The following NUP210 variants were observed in gnomAD, a reference collection of about 807,000 sequenced individuals.
The protein encoded by NUP210 is nuclear pore membrane glycoprotein 210.
Under a neutral mutation model 196.0 loss-of-function variants are expected in NUP210, and 151 were observed. The ratio of observed to expected loss-of-function variants is 0.77; its 90% CI spans 0.67 to 0.88. NUP210 has a LOEUF of 0.88. Ranked by LOEUF, NUP210 falls within the 40% of genes least tolerant of loss-of-function variation. The pLI is 0.00. For synonymous variants in NUP210, 1,070 were observed against 1,052.7 expected, an observed-to-expected ratio of 1.02 and a Z score of -0.32; for missense variants, 2,314 against 2,493.7, an observed-to-expected ratio of 0.93 and a Z score of 1.53.
chr3:13,374,440 A>G (rs1698834839), intron 11 of NUP210, among the ~76,000 whole-genome samples: 1 of 152,078 alleles, frequency 6.6e-6, no homozygotes, highest in Non-Finnish European at 1.5e-5. Flanking sequence ...CCTCACTGAC[A>G]CACAAGGTCG....
At chr3:13,337,631 G>T (rs1697269058) in intron 26 of NUP210, among the ~76,000 whole-genome samples, 1 of 152,242 alleles carries the variant, frequency 6.6e-6, no homozygotes. Flanking sequence ...ATGTGGGAAG[G>T]TGACAGGCCA....
intron 39 of NUP210, 74 bp downstream of exon 39, chr3:13,318,998 C>T: frequency 5.7e-6 from 8 of 1,403,112 alleles, no homozygotes; most frequent in Admixed American, 2.5e-5. Flanking sequence ...GGTTCAGGAG[C>T]CTCGACCCCT....
chr3:13,365,173 C>T (rs575645863), intron 14 of NUP210, among the ~76,000 whole-genome samples: 2 of 152,358 alleles, frequency 1.3e-5, no homozygotes, highest in East Asian at 3.9e-4. Context: ...TTCACACCCA[C>T]CCCAGAGGAA....
chr3:13,358,569 G>C (rs2124889418), intron 15 of NUP210, among the ~76,000 whole-genome samples, 174 bp from the exon 16 acceptor site: 1 of 152,264 alleles, frequency 6.6e-6, no homozygotes, highest in East Asian at 1.9e-4. Flanking sequence ...ACACAGGTGG[G>C]AATGCACTTT....
At chr3:13,345,579 C>T (rs1483129666) in intron 20 of NUP210, among the ~76,000 whole-genome samples, 2 of 152,200 alleles carry the variant, frequency 1.3e-5, no homozygotes, top group Admixed American at 6.5e-5. Flanking sequence ...GAGCTGCACA[C>T]ACCACCCGTG....
At chr3:13,411,181 A>G (rs982443719) in intron 1 of NUP210, among the ~76,000 whole-genome samples, 1 of 151,880 alleles carries the variant, frequency 6.6e-6, no homozygotes, top group Non-Finnish European at 1.5e-5. Flanking sequence ...ATAGTGAGCT[A>G]TAATTGTGCC....
chr3:13,325,946 C>T lies in NUP210; in HGVS notation c.4508-15G>A. 1 of 1,613,198 alleles carries T rather than the reference C, an allele frequency of 6.2e-7. No homozygotes were observed. The highest frequency in any genetic ancestry group is 2.2e-5 in the East Asian group (1 of 44,872). ...TCCTGAGAGGCCTGGAGAGGAAGCA[C>T]AGGTGTCAGCCCCCTTTCCATAGCT... is the stretch of plus-strand genomic sequence containing the variant. On this transcript the variant is annotated splice_polypyrimidine_tract_variant and intron_variant, in intron 32 of 39. Transcript: ENST00000254508.
intron 11 of NUP210, among the ~76,000 whole-genome samples, 195 bp from the exon 12 acceptor site, chr3:13,374,068 C>T (rs1281020272): frequency 6.6e-6 from 1 of 152,116 alleles, no homozygotes. Flanking sequence ...CACTCACACA[C>T]TCACCCTCAC....
chr3:13,393,203 C>G (rs748505591), intron 3 of NUP210, among the ~76,000 whole-genome samples: 31 of 152,118 alleles, frequency 2.0e-4, no homozygotes, highest in Non-Finnish European at 3.5e-4. Flanking sequence ...GAGAAAGCAC[C>G]CCCATGACAT....
At chr3:13,409,290 T>C (rs1382620418) in intron 1 of NUP210, among the ~76,000 whole-genome samples, 2 of 152,178 alleles carry the variant, frequency 1.3e-5, no homozygotes, top group African/African-American at 4.8e-5. Flanking sequence ...TGACATGTGT[T>C]AACAGGTGGG....
At chr3:13,369,806 G>A (rs1559332336) in intron 13 of NUP210, among the ~76,000 whole-genome samples, 1 of 152,208 alleles carries the variant, frequency 6.6e-6, no homozygotes, top group African/African-American at 2.4e-5. Flanking sequence ...AGTTACAGTA[G>A]TGCCCACAGC....
intron 11 of NUP210, among the ~76,000 whole-genome samples, chr3:13,374,518 T>A (rs998698216): frequency 1.3e-5 from 2 of 152,078 alleles, no homozygotes; most frequent in Non-Finnish European, 2.9e-5. Flanking sequence ...GCCCTCACCC[T>A]CTTTGTCCTG....
chr3:13,329,901 C>G (rs1379707155), intron 30 of NUP210, among the ~76,000 whole-genome samples: 3 of 152,218 alleles, frequency 2.0e-5, no homozygotes, highest in African/African-American at 4.8e-5. Context: ...ATCACTCAAC[C>G]CCCATGCAAG....
chr3:13,402,678 G>A (rs1407887304), intron 1 of NUP210, among the ~76,000 whole-genome samples: 2 of 151,482 alleles, frequency 1.3e-5, no homozygotes, highest in Non-Finnish European at 2.9e-5. Flanking sequence ...CAACAGACGT[G>A]TAACACAGGC....
At chr3:13,409,911 G>A (rs772864789) in intron 1 of NUP210, among the ~76,000 whole-genome samples, 4 of 150,438 alleles carry the variant, frequency 2.7e-5, no homozygotes, top group East Asian at 3.9e-4. Flanking sequence ...ATCTAGGCTC[G>A]CTGCAACCTC....
At chr3:13,413,371 G>A (rs990652681) in intron 1 of NUP210, among the ~76,000 whole-genome samples, 3 of 152,026 alleles carry the variant, frequency 2.0e-5, no homozygotes, top group Non-Finnish European at 2.9e-5. Context: ...ATGGGAGGCT[G>A]AGGCAGGAGA....
At position 13,333,414 on chromosome 3, in the gene NUP210, G is replaced by A. The variant is rs372639492; in HGVS notation, c.3844-1030C>T. On this transcript the variant is annotated intron_variant, in intron 28 of 39. Coordinates refer to ENST00000254508, the MANE Select transcript of NUP210 (RefSeq NM_024923.4). ...TGATCAGACCAGGTGGACACCCCTC[G>A]GGCCTGAGCCCTGGGCCATGGCCAA... Among the ~76,000 whole-genome samples, 39 of 152,302 alleles carry A rather than the reference G, an allele frequency of 2.6e-4. 2 individuals carry two copies. The East Asian group carries it at 7.2e-3, about 28-fold the overall frequency.
At chr3:13,414,948 T>TCA (rs1284286414) in intron 1 of NUP210, among the ~76,000 whole-genome samples, 2 of 152,080 alleles carry the variant, frequency 1.3e-5, no homozygotes, top group African/African-American at 2.4e-5. Flanking sequence ...ATAGTAAGAG[T>TCA]CACAGACAGG....
intron 3 of NUP210, 52 bp downstream of exon 3, chr3:13,397,305 G>T (rs1699690155): frequency 7.0e-6 from 11 of 1,577,412 alleles, no homozygotes; most frequent in Non-Finnish European, 7.7e-6. Flanking sequence ...TCATGGTGGG[G>T]GGATGATCTA....
Sources: gnomAD v4.1 joint callset for allele counts (sites outside exome capture counted in the v4.1 genomes callset) on GRCh38, gnomAD v4.1.1 for gene constraint, MANE v1.5 for transcripts, NCBI Gene and HGNC (gene_info 2026-07-23, HGNC 2026-07-21) for gene names.